The following ZNF14 variants were observed in gnomAD, a reference collection of about 807,000 sequenced individuals.
ZNF14 encodes zinc finger protein 14.
Under a neutral mutation model 11.3 loss-of-function variants are expected in ZNF14, and 9 were observed. The ratio of observed to expected loss-of-function variants is 0.80; its 90% CI spans 0.48 to 1.39. The LOEUF is 1.39. Among genes scored for constraint, ZNF14 ranks in the 40% most tolerant of loss-of-function variants. ZNF14 has a pLI of 0.00. For synonymous variants in ZNF14, 239 were observed against 245.7 expected, an observed-to-expected ratio of 0.97 and a Z score of 0.25; for missense variants, 711 against 763.9, an observed-to-expected ratio of 0.93 and a Z score of 0.82.
At chr19:19,714,701 C>CT (rs938391262) in intron 1 of ZNF14, among the ~76,000 whole-genome samples, 13 of 117,252 alleles carry the variant, frequency 1.1e-4, no homozygotes, top group African/African-American at 3.5e-4. Flanking sequence ...TTTCTTTTTC[C>CT]TTTTTCTTTT....
rs1415599302 is a variant in ZNF14, at chr19:19,733,076, A to C, written c.-118T>G. 3 of 1,342,520 alleles carry C rather than the reference A, an allele frequency of 2.2e-6. No individual in the cohort carries two copies. Among genetic ancestry groups the C allele is most frequent in the Non-Finnish European group, 3.1e-6 (3 of 969,704 alleles). 83.2% of individuals were successfully genotyped at this position (1,342,520 alleles called of 1,614,324 possible). A position where few individuals can be genotyped will look rare whatever the true frequency, so the allele number is the denominator to read the frequency against. On this transcript the variant is annotated 5_prime_UTR_variant, in exon 1 of 4. In the 5' UTR this introduces an upstream ATG that the reference lacks. Coordinates refer to ENST00000344099, the MANE Select transcript of ZNF14 (RefSeq NM_021030.3). ...CGGCCTTCAGGAGCAGGTGAAACGC[A>C]ATCTTCCCATGGGCCAGGAATGGCG...
At chr19:19,731,693 G>GA (rs1307288371) in intron 1 of ZNF14, among the ~76,000 whole-genome samples, 2 of 152,322 alleles carry the variant, frequency 1.3e-5, no homozygotes, top group Admixed American at 1.3e-4. Context: ...CACGAGGAAA[G>GA]AAAAAATCAC....
Position 19,732,951 on chromosome 19 carries a change from C to T in ZNF14, c.3+5G>A, listed in dbSNP as rs1230749975. The T allele has an allele frequency of 6.2e-7, 1 of 1,613,808 alleles. No individual in the cohort carries two copies. Among genetic ancestry groups the T allele is most frequent in the South Asian group, 1.1e-5 (1 of 91,020 alleles). Reference sequence around the variant, plus strand: ...TCCCCTCGGACACTGGCCCCGCACACTCACCATTTCCCAGCGTCCGGGAAG... The same window carrying T: ...TCCCCTCGGACACTGGCCCCGCACATTCACCATTTCCCAGCGTCCGGGAAG... On this transcript the variant is annotated splice_donor_5th_base_variant and intron_variant, in intron 1 of 3. Transcript: ENST00000344099.
At chr19:19,726,165 T>A (rs1237063964) in intron 1 of ZNF14, among the ~76,000 whole-genome samples, 1 of 134,786 alleles carries the variant, frequency 7.4e-6, no homozygotes, top group Non-Finnish European at 1.7e-5. Flanking sequence ...AGAGGTGCTC[T>A]GATTTTTAGA....
At chr19:19,713,985 GAA>G in intron 3 of ZNF14, 104 bp downstream of exon 3, 1 of 1,091,508 alleles carries the variant, frequency 9.2e-7, no homozygotes, top group South Asian at 1.5e-5. Flanking sequence ...CATTTTCAGT[GAA>G]AGTTTTCTAG....
Position 19,720,001 on chromosome 19 carries a change from T to C in ZNF14, c.4-5514A>G, listed in dbSNP as rs61096607. 0.094 allele frequency among the ~76,000 whole-genome samples: 14,317 copies of C among 152,252 alleles called. 737 individuals are homozygous for C. Among genetic ancestry groups the C allele is most frequent in the Middle Eastern group, 0.16 (47 of 294 alleles). ...TCAGTGACACAGGGGCATTATGTAA[T>C]AACAAAGTGATCAATTCACCAAGAA... On this transcript the variant is annotated intron_variant, in intron 1 of 3. Coordinates refer to ENST00000344099, the MANE Select transcript of ZNF14 (RefSeq NM_021030.3). The surrounding 1 kb of genome is among the most constrained non-coding windows in gnomAD (Gnocchi z 4.1).
chr19:19,716,349 C>T (rs991628503), intron 1 of ZNF14, among the ~76,000 whole-genome samples: 8 of 152,120 alleles, frequency 5.3e-5, no homozygotes, highest in Admixed American at 3.3e-4. Flanking sequence ...AGTGCTGTAG[C>T]GTGATCTCGG....
In ZNF14 at chr19:19,712,287, C is replaced by T. The variant is rs746682463; in HGVS notation, c.994G>A (p.Ala332Thr). The change falls in exon 4 of 4, where the codon GCT becomes ACT. Residue 332 changes from alanine to threonine, a missense_variant. Ala to Thr is a moderately conservative substitution (Grantham distance 58). Transcript: ENST00000344099. Reference protein sequence around the residue: ...FRAHVIIHTGARPYKCKECGK... With the variant: ...FRAHVIIHTGTRPYKCKECGK... ...CATTCTTTACATTTATAAGGTCGAG[C>T]CCCAGTGTGTATTATTACATGTGCT... 63 of 1,613,814 alleles carry T rather than the reference C, an allele frequency of 3.9e-5. 1 individual carries two copies. The East Asian group carries it at 1.4e-3, about 35-fold the overall frequency.
At chr19:19,724,525 G>A (rs1445957990) in intron 1 of ZNF14, among the ~76,000 whole-genome samples, 2 of 134,102 alleles carry the variant, frequency 1.5e-5, no homozygotes, top group African/African-American at 2.7e-5. Context: ...TTTGGAATAA[G>A]TGCGATGTGA....
intron 1 of ZNF14, among the ~76,000 whole-genome samples, chr19:19,715,415 A>G (rs1258199044): frequency 6.6e-6 from 1 of 152,184 alleles, no homozygotes; most frequent in East Asian, 1.9e-4. Context: ...GAATTATTTA[A>G]TTATTTAGGT....
chr19:19,728,293 G>A lies in ZNF14; in HGVS notation c.3+4663C>T, dbSNP rs1263126706. On this transcript the variant is annotated intron_variant, in intron 1 of 3. Coordinates refer to ENST00000344099, the MANE Select transcript of ZNF14 (RefSeq NM_021030.3). ...AGCACTTTGAGAGGCCGTGGTGGGT[G>A]GATCACAAGGTCAGGAGTTCAAGAC... 2.3e-5 allele frequency among the ~76,000 whole-genome samples: 3 copies of A among 129,938 alleles called. 1 individual carries two copies. The highest frequency in any genetic ancestry group is 2.2e-4 in the East Asian group (1 of 4,602). The allele number at this position is 129,938 out of a possible 152,430, so 85.2% of individuals were successfully genotyped here.
rs1365527807 is a variant in ZNF14 at position 19,714,494 on chromosome 19, C to T, written c.4-7G>A. 6.2e-7 allele frequency: 1 copy of T among 1,611,342 alleles called. No homozygotes were observed. The highest frequency in any genetic ancestry group is 1.3e-5 in the African/African-American group (1 of 74,782). On this transcript the variant is annotated splice_region_variant and splice_polypyrimidine_tract_variant and intron_variant, in intron 1 of 3. Coordinates refer to ENST00000344099, the MANE Select transcript of ZNF14 (RefSeq NM_021030.3). Reference sequence around the variant, plus strand: ...CCTCAAAGGAGACTGAGTCCTGAAACATTCCACATATGTTTACAGAGGATG... The same window carrying T: ...CCTCAAAGGAGACTGAGTCCTGAAATATTCCACATATGTTTACAGAGGATG...
intron 1 of ZNF14, among the ~76,000 whole-genome samples, chr19:19,716,626 C>G (rs561472923): frequency 6.6e-6 from 1 of 151,744 alleles, no homozygotes; most frequent in South Asian, 2.1e-4. Flanking sequence ...TCAAACATCA[C>G]AAAAAAATGA....
rs2062428846 is a variant in ZNF14, at chr19:19,733,059, A to G, written c.-101T>C. The G allele has an allele frequency of 1.4e-6, 2 of 1,478,546 alleles. No individual in the cohort carries two copies. The highest frequency in any genetic ancestry group is 4.0e-5 in the Admixed American group (2 of 49,906). 91.6% of individuals were successfully genotyped at this position (1,478,546 alleles called of 1,614,324 possible). A position where few individuals can be genotyped will look rare whatever the true frequency, so the allele number is the denominator to read the frequency against. On this transcript the variant is annotated 5_prime_UTR_variant, in exon 1 of 4. The change abolishes the stop of an existing upstream ORF in the 5' untranslated region. Transcript: ENST00000344099. ...TGCGCTAGAGCCACCTTCGGCCTTC[A>G]GGAGCAGGTGAAACGCAATCTTCCC...
chr19:19,728,184 A>T (rs1481166677), intron 1 of ZNF14, among the ~76,000 whole-genome samples: 1 of 132,888 alleles, frequency 7.5e-6, no homozygotes, highest in Non-Finnish European at 1.7e-5. Context: ...AGATAAAAGC[A>T]ATCTGTCAGA....
At chr19:19,717,826 G>C (rs972393641) in intron 1 of ZNF14, among the ~76,000 whole-genome samples, 1 of 152,186 alleles carries the variant, frequency 6.6e-6, no homozygotes, top group Non-Finnish European at 1.5e-5. Flanking sequence ...ATTGTCATTA[G>C]GGTTTCTGTT....
At chr19:19,732,873 T>A (rs947309888) in intron 1 of ZNF14, 83 bp downstream of exon 1, 1 of 1,563,896 alleles carries the variant, frequency 6.4e-7, no homozygotes, top group African/African-American at 1.4e-5. Context: ...AACCCCGGAG[T>A]TGACTGCAAG....
At position 19,711,427 on chromosome 19, in the gene ZNF14, T is replaced by C; in HGVS notation, c.1854A>G (p.Lys618=). The C allele has an allele frequency of 2.5e-6, 4 of 1,606,156 alleles. No individual in the cohort carries two copies. Among genetic ancestry groups the C allele is most frequent in the South Asian group, 1.1e-5 (1 of 89,646 alleles). Residue 618 remains lysine (K), a synonymous_variant, in exon 4 of 4, where the codon AAA becomes AAG. Transcript: ENST00000344099. The stretch of plus-strand genomic sequence containing the variant: ...AAGAAATGAAGGCTTTTCCACATTG[T>C]TTGCATTCATAAGGTTTCTCTCCAG... The part of the protein sequence containing the change: ...SHTGEKPYEC[K]QCGKAFISSS...
In ZNF14 at chr19:19,711,377, C is replaced by A; in HGVS notation, c.1904G>T (p.Arg635Met). 2 of 1,572,314 alleles carry A rather than the reference C, an allele frequency of 1.3e-6. No individual in the cohort carries two copies. Among genetic ancestry groups the A allele is most frequent in the South Asian group, 1.2e-5 (1 of 82,962 alleles). ...TTAGACTTTCTCTCCCATATGAGTC[C>A]TTTCATGCAGTCGAAAGTGACTGGA... is the stretch of plus-strand genomic sequence containing the variant. ...ISSSHFRLHE[R>M]THMGEKV Residue 635 changes from arginine (R) to methionine (M), a missense_variant, in exon 4 of 4, where the codon AGG becomes ATG. Coordinates refer to ENST00000344099, the MANE Select transcript of ZNF14 (RefSeq NM_021030.3).
Sources: gnomAD v4.1 joint callset for allele counts (sites outside exome capture counted in the v4.1 genomes callset) on GRCh38, gnomAD v4.1.1 for gene constraint, Gnocchi (gnomAD v3.1) non-coding constraint, MANE v1.5 for transcripts, NCBI Gene and HGNC (gene_info 2026-07-23, HGNC 2026-07-21) for gene names.